Variants in SLC35D1 observed in about 807,000 individuals in gnomAD.
SLC35D1 encodes nucleotide sugar transporter SLC35D1.
In SLC35D1, 31 loss-of-function variants were observed where a neutral mutation model predicts 46.7. That is an observed-to-expected ratio of 0.66 (90% confidence interval 0.50 to 0.90). SLC35D1 has a LOEUF of 0.90. Ranked by LOEUF, SLC35D1 falls within the 40% of genes least tolerant of loss-of-function variation. The pLI, the probability that SLC35D1 is intolerant of heterozygous loss-of-function variation, is 0.00. For synonymous variants in SLC35D1, 195 were observed against 164.6 expected, an observed-to-expected ratio of 1.18 and a Z score of -1.41; for missense variants, 397 against 426.2, an observed-to-expected ratio of 0.93 and a Z score of 0.60.
intron 10 of SLC35D1, among the ~76,000 whole-genome samples, chr1:67,010,408 T>C (rs1317339898): frequency 6.6e-6 from 1 of 152,002 alleles, no homozygotes; most frequent in African/African-American, 2.4e-5. Flanking sequence ...TGACTGTTTT[T>C]AGAGGAATCT....
At position 67,023,948 on chromosome 1, in the gene SLC35D1, C is replaced by CT. The variant is rs753663605; in HGVS notation, c.730-2347dup. 1.4e-3 allele frequency among the ~76,000 whole-genome samples: 193 copies of CT among 138,476 alleles called. 1 individual carries two copies. The highest frequency in any genetic ancestry group is 1.9e-3 in the African/African-American group (73 of 38,110). The allele number at this position is 138,476 out of a possible 152,430, so 90.8% of individuals were successfully genotyped here. On this transcript the variant is annotated intron_variant, in intron 8 of 11. Transcript: ENST00000235345. ...CAGTCTGTGACTCACCTTCCATTTTCTTTTTTTTTTTTTTAAGACAGAGTC... is the reference window on the plus strand; with the variant it reads ...CAGTCTGTGACTCACCTTCCATTTTCTTTTTTTTTTTTTTTAAGACAGAGTC...
At chr1:66,990,038 C>A in the SLC35D1 span, among the ~76,000 whole-genome samples, 10 of 152,204 alleles carry the variant, frequency 6.6e-5, no homozygotes, top group Admixed American at 1.3e-4. Flanking sequence ...TAAGTGTATC[C>A]TTTTTTATTA....
At chr1:67,019,209 C>T (rs1446177205) in intron 10 of SLC35D1, among the ~76,000 whole-genome samples, 1 of 152,208 alleles carries the variant, frequency 6.6e-6, no homozygotes, top group Non-Finnish European at 1.5e-5. Flanking sequence ...TAACTAAAAA[C>T]ATGGCCTATT....
chr1:66,999,324 C>T (rs554477942), downstream of SLC35D1: 2 of 152,420 alleles, frequency 1.3e-5, no homozygotes, highest in Admixed American at 1.3e-4. Context: ...TATGGGCAGA[C>T]TTCTGGCTCT....
the SLC35D1 span, chr1:66,986,425 A>C: frequency 1.5e-5 from 25 of 1,613,196 alleles, no homozygotes. Context: ...TGCTTCTTCC[A>C]GTTCATTTTT....
chr1:66,994,914 A>G (rs1406535401), downstream of SLC35D1, among the ~76,000 whole-genome samples: 1 of 138,008 alleles, frequency 7.2e-6, no homozygotes, highest in African/African-American at 2.6e-5. Context: ...ACATTTAGGC[A>G]AAAAAAGAAA....
intron 8 of SLC35D1, among the ~76,000 whole-genome samples, chr1:67,021,973 T>C (rs908595327): frequency 2.0e-5 from 3 of 152,218 alleles, no homozygotes; most frequent in Admixed American, 6.5e-5. Flanking sequence ...CAGATGGCTA[T>C]TAATGTGCTA....
intron 8 of SLC35D1, among the ~76,000 whole-genome samples, chr1:67,025,050 G>A (rs1446524816): frequency 1.3e-5 from 2 of 152,096 alleles, no homozygotes; most frequent in African/African-American, 4.8e-5. Context: ...GCTGGCCCTT[G>A]ATTTCCCTTC....
chr1:66,974,907 A>G, the SLC35D1 span, among the ~76,000 whole-genome samples: 1 of 152,212 alleles, frequency 6.6e-6, no homozygotes, highest in East Asian at 1.9e-4. Flanking sequence ...ATGCCCCAAA[A>G]TGACTTTATC....
intron 7 of SLC35D1, among the ~76,000 whole-genome samples, chr1:67,043,086 T>G (rs1251106983): frequency 6.6e-6 from 1 of 151,956 alleles, no homozygotes; most frequent in African/African-American, 2.4e-5. Flanking sequence ...TCCCAGCTAC[T>G]TGGGAGGCTG....
At chr1:67,053,065 C>A in intron 1 of SLC35D1, 76 bp from the exon 2 acceptor site, 2 of 1,529,806 alleles carry the variant, frequency 1.3e-6, no homozygotes, top group Non-Finnish European at 1.8e-6. Context: ...TGCACATCGG[C>A]AACGTTAATA....
At chr1:66,995,856 TG>T (rs1489335271), downstream of SLC35D1, among the ~76,000 whole-genome samples, 1 of 152,232 alleles carries the variant, frequency 6.6e-6, no homozygotes, top group Non-Finnish European at 1.5e-5. Flanking sequence ...TCATCATTTG[TG>T]AACATTGTCC....
At chr1:67,017,974 G>A (rs1667720544) in intron 10 of SLC35D1, among the ~76,000 whole-genome samples, 1 of 152,078 alleles carries the variant, frequency 6.6e-6, no homozygotes, top group Non-Finnish European at 1.5e-5. Context: ...GTTTTAAAGT[G>A]AGGACTGAAG....
the SLC35D1 span, among the ~76,000 whole-genome samples, chr1:66,990,377 G>T: frequency 2.0e-5 from 3 of 152,152 alleles, no homozygotes; most frequent in Admixed American, 2.0e-4. Flanking sequence ...CTGACTGAAG[G>T]GAATCCTCCC....
At chr1:67,053,659 G>C (rs979466898) in intron 1 of SLC35D1, 152 bp downstream of exon 1, 95 of 689,934 alleles carry the variant, frequency 1.4e-4, no homozygotes, top group Non-Finnish European at 1.4e-4. Context: ...TCCGCTGCCC[G>C]GGCCGCGCGC....
At chr1:67,034,187 T>G (rs894829198) in intron 8 of SLC35D1, among the ~76,000 whole-genome samples, 4 of 152,208 alleles carry the variant, frequency 2.6e-5, no homozygotes, top group African/African-American at 7.2e-5. Context: ...CTTTTGTGGT[T>G]CCACATAAAT....
chr1:66,993,565 T>C, the SLC35D1 span, among the ~76,000 whole-genome samples: 1 of 152,210 alleles, frequency 6.6e-6, no homozygotes, highest in East Asian at 1.9e-4. Context: ...AAACATCATA[T>C]ACTTTACTGC....
At chr1:66,979,967 T>A in the SLC35D1 span, among the ~76,000 whole-genome samples, 1 of 151,724 alleles carries the variant, frequency 6.6e-6, no homozygotes, top group South Asian at 2.1e-4. Context: ...TTTCTCCATG[T>A]TGGTCAGGCT....
intron 8 of SLC35D1, among the ~76,000 whole-genome samples, chr1:67,037,854 A>G (rs1452114361): frequency 6.6e-6 from 1 of 152,182 alleles, no homozygotes; most frequent in Admixed American, 6.5e-5. Flanking sequence ...AAAATTACTA[A>G]GAAAAAAATT....
Sources: gnomAD v4.1 joint callset for allele counts (sites outside exome capture counted in the v4.1 genomes callset) on GRCh38, gnomAD v4.1.1 for gene constraint, MANE v1.5 for transcripts, NCBI Gene and HGNC (gene_info 2026-07-23, HGNC 2026-07-21) for gene names.